FAM241A: variants seen among roughly 807,000 people sequenced by gnomAD.
The protein encoded by FAM241A is family with sequence similarity 241 member A.
FAM241A carries 7 observed loss-of-function variants against 12.2 expected under a neutral mutation model. The observed-to-expected ratio is 0.58, with a 90% CI of 0.33 to 1.08. The LOEUF (loss-of-function observed/expected upper bound fraction) is 1.08. Ranked by LOEUF, FAM241A falls within the 50% of genes least tolerant of loss-of-function variation. FAM241A has a pLI of 0.04. For synonymous variants in FAM241A, 74 were observed against 68.2 expected (o/e 1.08, Z -0.42); for missense variants, 161 against 169.7 (o/e 0.95, Z 0.29).
chr4:112,169,258 G>T (rs1313908175), intron 1 of FAM241A, among the ~76,000 whole-genome samples: 2 of 152,064 alleles, frequency 1.3e-5, no homozygotes, highest in Non-Finnish European at 2.9e-5. Context: ...GATTCTTTCT[G>T]GTGCCGCTGA....
At position 112,189,818 on chromosome 4, in the gene FAM241A, A is replaced by C. The variant is rs979707912; in HGVS notation, c.*2880A>C. 1.3e-5 allele frequency: 2 copies of C among 151,714 alleles called. No individual in the cohort carries two copies. Among genetic ancestry groups the C allele is most frequent in the South Asian group, 4.2e-4 (2 of 4,814 alleles). The allele number at this position is 151,714 out of a possible 1,614,324, so 9.4% of individuals were successfully genotyped here. A position where few individuals can be genotyped will look rare whatever the true frequency, so the allele number is the denominator to read the frequency against. On this transcript the variant is annotated 3_prime_UTR_variant, in exon 2 of 2. Coordinates refer to ENST00000309733, the MANE Select transcript of FAM241A (RefSeq NM_152400.3). ...GGCCATGGTGAGAGTATTTACACCA[A>C]AAAAATTAGTAAACACTGCAAATCA...
At chr4:112,166,843 G>A (rs1025087875) in intron 1 of FAM241A, among the ~76,000 whole-genome samples, 5 of 151,874 alleles carry the variant, frequency 3.3e-5, no homozygotes, top group South Asian at 4.1e-4. Context: ...GGCCGGGCGC[G>A]GTGGCTCACG....
chr4:112,168,758 G>A (rs1254247711), intron 1 of FAM241A, among the ~76,000 whole-genome samples: 3 of 152,026 alleles, frequency 2.0e-5, no homozygotes, highest in Non-Finnish European at 2.9e-5. Flanking sequence ...TCCACCTCCC[G>A]GATTCAAGCG....
chr4:112,164,987 T>A (rs972476494), intron 1 of FAM241A, among the ~76,000 whole-genome samples: 2 of 152,030 alleles, frequency 1.3e-5, no homozygotes, highest in African/African-American at 4.8e-5. Context: ...GGCTCAGCTA[T>A]TTGGGAGGCT....
At chr4:112,150,638 C>T (rs1398687702) in intron 1 of FAM241A, among the ~76,000 whole-genome samples, 3 of 150,804 alleles carry the variant, frequency 2.0e-5, no homozygotes, top group African/African-American at 7.4e-5. Flanking sequence ...AAAAAGAAAA[C>T]AAAATGGGGG....
intron 1 of FAM241A, among the ~76,000 whole-genome samples, chr4:112,168,333 C>G (rs558545484): frequency 6.6e-6 from 1 of 152,168 alleles, no homozygotes; most frequent in African/African-American, 2.4e-5. Flanking sequence ...CCTACTTAGT[C>G]CAAATGATTG....
intron 1 of FAM241A, among the ~76,000 whole-genome samples, chr4:112,172,397 A>C (rs191118491): frequency 4.6e-5 from 7 of 152,384 alleles, no homozygotes; most frequent in Admixed American, 4.6e-4. Context: ...GATGTTTTGT[A>C]AACCACAGAA....
At chr4:112,168,322 C>T (rs2110428405) in intron 1 of FAM241A, among the ~76,000 whole-genome samples, 1 of 152,200 alleles carries the variant, frequency 6.6e-6, no homozygotes, top group East Asian at 1.9e-4. Flanking sequence ...AACTTTTTTT[C>T]CCTACTTAGT....
intron 1 of FAM241A, among the ~76,000 whole-genome samples, chr4:112,162,733 C>T (rs1017587326): frequency 5.9e-5 from 9 of 152,158 alleles, no homozygotes; most frequent in Non-Finnish European, 1.0e-4. Flanking sequence ...GGCCATACTG[C>T]CCAAGGTAAT....
At chr4:112,167,436 G>A (rs1370848356) in intron 1 of FAM241A, among the ~76,000 whole-genome samples, 1 of 152,190 alleles carries the variant, frequency 6.6e-6, no homozygotes, top group Non-Finnish European at 1.5e-5. Flanking sequence ...TCGAGGCAGA[G>A]GATACTGGAG....
intron 1 of FAM241A, among the ~76,000 whole-genome samples, chr4:112,165,263 G>C (rs1397967346): frequency 6.6e-6 from 1 of 152,152 alleles, no homozygotes; most frequent in Non-Finnish European, 1.5e-5. Flanking sequence ...ACAAATACTA[G>C]TGAGGATGTG....
chr4:112,176,741 C>CA (rs1307795416), intron 1 of FAM241A, among the ~76,000 whole-genome samples: 1 of 151,734 alleles, frequency 6.6e-6, no homozygotes. Flanking sequence ...AATCATGGAC[C>CA]AAAAAAAGAG....
intron 1 of FAM241A, among the ~76,000 whole-genome samples, chr4:112,174,163 T>G (rs1723775721): frequency 6.6e-6 from 1 of 152,138 alleles, no homozygotes; most frequent in Non-Finnish European, 1.5e-5. Flanking sequence ...CCCTAACCAG[T>G]CTCTAAGCGA....
intron 1 of FAM241A, among the ~76,000 whole-genome samples, chr4:112,179,914 GATATATATATATAT>G (rs34513702): frequency 8.5e-6 from 1 of 117,770 alleles, no homozygotes; most frequent in African/African-American, 3.5e-5. Context: ...AAGAAAATGT[GATATATATATATAT>G]ATATATATAT....
Position 112,188,680 on chromosome 4 carries a change from A to C in FAM241A, c.*1742A>C, listed in dbSNP as rs1039135541. On this transcript the variant is annotated 3_prime_UTR_variant, in exon 2 of 2. Coordinates refer to ENST00000309733, the MANE Select transcript of FAM241A (RefSeq NM_152400.3). ...ATGAGATTTTGTATATCTACATAAA[A>C]TATCAGTACATTTTTTTCTAATGCT... The C allele has an allele frequency of 1.3e-5, 2 of 152,188 alleles. No homozygotes were observed. The highest frequency in any genetic ancestry group is 4.8e-5 in the African/African-American group (2 of 41,450). The allele number at this position is 152,188 out of a possible 1,614,324, so 9.4% of individuals were successfully genotyped here.
At chr4:112,171,031 A>C (rs1172207643) in intron 1 of FAM241A, among the ~76,000 whole-genome samples, 1 of 152,130 alleles carries the variant, frequency 6.6e-6, no homozygotes, top group Non-Finnish European at 1.5e-5. Flanking sequence ...GAAAAGATGA[A>C]ATTTTTAAAA....
At chr4:112,179,914 GATATATAT>G (rs34513702) in intron 1 of FAM241A, among the ~76,000 whole-genome samples, 8 of 117,770 alleles carry the variant, frequency 6.8e-5, no homozygotes, top group African/African-American at 1.0e-4. Flanking sequence ...AAGAAAATGT[GATATATAT>G]ATATATATAT....
chr4:112,165,946 G>A (rs1234312043), intron 1 of FAM241A, among the ~76,000 whole-genome samples: 1 of 152,058 alleles, frequency 6.6e-6, no homozygotes. Context: ...TGCTTGAGGG[G>A]ATGGATACCC....
intron 1 of FAM241A, among the ~76,000 whole-genome samples, chr4:112,160,476 C>CTA (rs1723441446): frequency 6.6e-6 from 1 of 151,344 alleles, no homozygotes; most frequent in Admixed American, 6.6e-5. Context: ...AATGTCCATA[C>CTA]TACCCGAAGC....
Sources: gnomAD v4.1 joint callset for allele counts (sites outside exome capture counted in the v4.1 genomes callset) on GRCh38, gnomAD v4.1.1 for gene constraint, MANE v1.5 for transcripts, NCBI Gene and HGNC (gene_info 2026-07-23, HGNC 2026-07-21) for gene names.